The following GPBP1 variants were observed in gnomAD, a reference collection of about 807,000 sequenced individuals.
The protein encoded by GPBP1 is GC-rich promoter binding protein 1.
GPBP1 carries 13 observed loss-of-function variants against 56.5 expected under a neutral mutation model. That is an observed-to-expected ratio of 0.23 (90% confidence interval 0.15 to 0.37). GPBP1 has a LOEUF of 0.37. GPBP1 is among the 10% of genes least tolerant of loss of function. GPBP1 has a pLI of 1.00. For missense variants in GPBP1, 477 were observed against 572.3 expected (o/e 0.83, Z 1.70); for synonymous variants, 204 against 188.9 (o/e 1.08, Z -0.66).
intron 3 of GPBP1, among the ~76,000 whole-genome samples, chr5:57,219,419 C>G (rs150247534): frequency 1.5e-5 from 1 of 68,068 alleles, no homozygotes; most frequent in Non-Finnish European, 2.9e-5. Context: ...AACAAACAAA[C>G]AAAAAAAAAA....
intron 3 of GPBP1, among the ~76,000 whole-genome samples, chr5:57,225,374 G>A (rs1580039038): frequency 6.6e-6 from 1 of 151,440 alleles, no homozygotes; most frequent in Non-Finnish European, 1.5e-5. Flanking sequence ...GGCGCCTGTA[G>A]TCCCAGCTAC....
intron 2 of GPBP1, among the ~76,000 whole-genome samples, chr5:57,197,434 C>G (rs1754816196): frequency 6.8e-6 from 1 of 146,526 alleles, no homozygotes; most frequent in Non-Finnish European, 1.5e-5. Context: ...TCTTAGCTCA[C>G]TGCAACCTCC....
At position 57,219,415 on chromosome 5, in the gene GPBP1, CAAA is replaced by C. The variant is rs1561348448; in HGVS notation, c.63+5223_63+5225del. Among the ~76,000 whole-genome samples, 122 of 61,840 alleles carry C rather than the reference CAAA, an allele frequency of 2.0e-3. 9 individuals are homozygous for C. Among genetic ancestry groups the C allele is most frequent in the Middle Eastern group, 0.011 (1 of 90 alleles). The allele number at this position is 61,840 out of a possible 152,430, so 40.6% of individuals were successfully genotyped here. On this transcript the variant is annotated intron_variant, in intron 3 of 11. Transcript: ENST00000506184. ...AAAAAAAAAAAAAACCAAAAACAAA[CAAA>C]CAAAAAAAAAAACAACAAAACCACA...
intron 2 of GPBP1, among the ~76,000 whole-genome samples, chr5:57,189,621 C>T (rs1049137478): frequency 2.0e-5 from 3 of 152,220 alleles, no homozygotes; most frequent in African/African-American, 4.8e-5. Context: ...ATTGTGTACT[C>T]TATTTCATTA....
chr5:57,236,231 G>C (rs1756656707), intron 6 of GPBP1, among the ~76,000 whole-genome samples, 199 bp downstream of exon 6: 1 of 152,138 alleles, frequency 6.6e-6, no homozygotes, highest in South Asian at 2.1e-4. Flanking sequence ...TGAAGTAGTT[G>C]ATTTGCACAT....
chr5:57,191,212 G>A (rs1278096477), intron 2 of GPBP1, among the ~76,000 whole-genome samples: 1 of 151,912 alleles, frequency 6.6e-6, no homozygotes, highest in Non-Finnish European at 1.5e-5. Context: ...CAGCTCCCAA[G>A]TAGCTGGAAT....
chr5:57,236,183 CA>C (rs1580056636), intron 6 of GPBP1, 151 bp downstream of exon 6: 1 of 590,060 alleles, frequency 1.7e-6, no homozygotes, highest in East Asian at 2.9e-5. Flanking sequence ...AAAAAGGTAA[CA>C]TTCGTCTTTA....
intron 10 of GPBP1, among the ~76,000 whole-genome samples, chr5:57,257,256 G>A (rs1413957553): frequency 3.9e-5 from 6 of 152,090 alleles, no homozygotes; most frequent in Non-Finnish European, 8.8e-5. Context: ...GGCTGGTCTC[G>A]AACTCCTGAC....
intron 2 of GPBP1, among the ~76,000 whole-genome samples, chr5:57,199,058 TCAAA>T (rs1754885490): frequency 6.6e-6 from 1 of 152,220 alleles, no homozygotes; most frequent in African/African-American, 2.4e-5. Flanking sequence ...TAAATATTTC[TCAAA>T]CAAAATCGAA....
At chr5:57,206,889 G>C (rs934251828) in intron 2 of GPBP1, among the ~76,000 whole-genome samples, 8 of 152,160 alleles carry the variant, frequency 5.3e-5, no homozygotes, top group African/African-American at 1.9e-4. Context: ...AGGATTGCTT[G>C]ATTCCAGGAG....
At chr5:57,220,902 T>G (rs1275227190) in intron 3 of GPBP1, among the ~76,000 whole-genome samples, 1 of 115,618 alleles carries the variant, frequency 8.6e-6, no homozygotes, top group African/African-American at 3.3e-5. Context: ...TGAATTCTAT[T>G]TGTAATTAAC....
chr5:57,204,833 T>G (rs1170750288), intron 2 of GPBP1, among the ~76,000 whole-genome samples: 4 of 152,206 alleles, frequency 2.6e-5, no homozygotes, highest in Non-Finnish European at 5.9e-5. Flanking sequence ...GGGAATGAGG[T>G]ACTTAGAAAT....
intron 2 of GPBP1, among the ~76,000 whole-genome samples, chr5:57,182,407 C>G (rs955077676): frequency 1.3e-5 from 2 of 150,816 alleles, no homozygotes; most frequent in South Asian, 2.1e-4. Flanking sequence ...GAGTCTCACT[C>G]TGTCGCCCAG....
chr5:57,188,090 A>C (rs912346032), intron 2 of GPBP1, among the ~76,000 whole-genome samples: 1 of 152,006 alleles, frequency 6.6e-6, no homozygotes, highest in Non-Finnish European at 1.5e-5. Flanking sequence ...CAAAAAATAC[A>C]AAAATTAACT....
At chr5:57,177,546 T>C (rs1753839121) in intron 2 of GPBP1, among the ~76,000 whole-genome samples, 2 of 151,806 alleles carry the variant, frequency 1.3e-5, no homozygotes, top group South Asian at 4.2e-4. Context: ...TGATTTTGGC[T>C]CACTGCAGCC....
intron 10 of GPBP1, among the ~76,000 whole-genome samples, chr5:57,253,858 AAGTGATACTCCTGCCTC>A (rs1171417631): frequency 6.6e-6 from 1 of 152,212 alleles, no homozygotes; most frequent in Non-Finnish European, 1.5e-5. Context: ...TCCTGGACTC[AAGTGATACTCCTGCCTC>A]AGCCTCCCAG....
At chr5:57,227,724 T>A (rs769281228) in intron 3 of GPBP1, among the ~76,000 whole-genome samples, 1 of 152,224 alleles carries the variant, frequency 6.6e-6, no homozygotes, top group Non-Finnish European at 1.5e-5. Context: ...ATCACGCTTA[T>A]GCTGCTTGCT....
chr5:57,252,032 T>C (rs1396937265), intron 10 of GPBP1, among the ~76,000 whole-genome samples: 2 of 152,222 alleles, frequency 1.3e-5, no homozygotes, highest in Non-Finnish European at 2.9e-5. Flanking sequence ...AAGAGTTCTT[T>C]ATATATTTGT....
chr5:57,231,260 A>G lies in GPBP1; in HGVS notation c.350A>G (p.Asp117Gly), dbSNP rs1299753405. The change falls in exon 5 of 12, where the codon GAC becomes GGC. Residue 117 changes from aspartate (D) to glycine (G), a missense_variant. Physicochemically the swap from Asp to Gly is moderately conservative, Grantham distance 94. Around this residue, in one of 2 missense-constraint regions of GPBP1, gnomAD observed 414 missense variants for 458.2 expected, o/e 0.90. Coordinates refer to ENST00000506184, the MANE Select transcript of GPBP1 (RefSeq NM_022913.4). The stretch of plus-strand genomic sequence containing the variant: ...GGACTACATGAAAACAACATACCTG[A>G]CAATGAAACCGGGAGGAAAGAAGAC... ...SQGLHENNIP[D>G]NETGRKEDKR... The G allele has an allele frequency of 1.2e-6, 2 of 1,614,182 alleles. No individual in the cohort carries two copies. Among genetic ancestry groups the G allele is most frequent in the East Asian group, 2.2e-5 (1 of 44,884 alleles).
Sources: gnomAD v4.1 joint callset for allele counts (sites outside exome capture counted in the v4.1 genomes callset) on GRCh38, gnomAD v4.1.1 for gene constraint, gnomAD v4.1.1 regional missense constraint, MANE v1.5 for transcripts, NCBI Gene and HGNC (gene_info 2026-07-23, HGNC 2026-07-21) for gene names.